Variants in PTPN13 observed in about 807,000 individuals in gnomAD.
The protein encoded by PTPN13 is protein tyrosine phosphatase non-receptor type 13.
A neutral mutation model predicts 284.0 loss-of-function variants in PTPN13; 191 were observed. The ratio of observed to expected loss-of-function variants is 0.67; its 90% CI spans 0.60 to 0.76. The LOEUF (loss-of-function observed/expected upper bound fraction) is 0.76, where lower values mean the gene tolerates loss of function less well. Among genes scored for constraint, PTPN13 ranks in the 30% least tolerant of loss-of-function variants. PTPN13 has a pLI of 0.00. For synonymous variants in PTPN13, 986 were observed against 1,022.3 expected, an observed-to-expected ratio of 0.96 and a Z score of 0.68; for missense variants, 2,797 against 2,939.9, an observed-to-expected ratio of 0.95 and a Z score of 1.12.
chr4:86,612,508 A>T (rs918943391), intron 1 of PTPN13, among the ~76,000 whole-genome samples: 1 of 152,206 alleles, frequency 6.6e-6, no homozygotes, highest in African/African-American at 2.4e-5. Context: ...TAGAAAAAAT[A>T]TTGGAAGAAA....
At chr4:86,692,963 C>T (rs1730184936) in intron 5 of PTPN13, among the ~76,000 whole-genome samples, 1 of 151,654 alleles carries the variant, frequency 6.6e-6, no homozygotes, top group Non-Finnish European at 1.5e-5. Flanking sequence ...CCAGTAGTCC[C>T]AGCTACTCTG....
chr4:86,704,677 C>CT (rs1037717941), intron 7 of PTPN13, among the ~76,000 whole-genome samples: 3 of 152,006 alleles, frequency 2.0e-5, no homozygotes, highest in Non-Finnish European at 4.4e-5. Flanking sequence ...AAAAGAAAAG[C>CT]TTTTTAAAAA....
At chr4:86,718,862 A>T (rs1403583343) in intron 9 of PTPN13, among the ~76,000 whole-genome samples, 2 of 152,182 alleles carry the variant, frequency 1.3e-5, no homozygotes, top group African/African-American at 4.8e-5. Flanking sequence ...TACCTAAAGC[A>T]ATCTATATTT....
intron 1 of PTPN13, among the ~76,000 whole-genome samples, chr4:86,597,166 C>CTT (rs34114364): frequency 3.5e-4 from 49 of 141,590 alleles, no homozygotes; most frequent in Admixed American, 2.0e-3. Context: ...GCTGGGCTTC[C>CTT]TTTTTTTTTT....
At chr4:86,785,145 AC>A (rs1257052877) in intron 38 of PTPN13, 85 bp from the exon 39 acceptor site, 2 of 1,033,056 alleles carry the variant, frequency 1.9e-6, no homozygotes, top group African/African-American at 3.4e-5. Flanking sequence ...ATTTGAAAGC[AC>A]CTAGCAAATT....
At chr4:86,755,768 T>A (rs1490739005) in intron 20 of PTPN13, among the ~76,000 whole-genome samples, 2 of 152,064 alleles carry the variant, frequency 1.3e-5, no homozygotes, top group African/African-American at 4.8e-5. Flanking sequence ...CTGAGCATAT[T>A]TAAGTTAGGC....
At chr4:86,721,779 C>T (rs1413807919) in intron 9 of PTPN13, among the ~76,000 whole-genome samples, 1 of 140,690 alleles carries the variant, frequency 7.1e-6, no homozygotes, top group Non-Finnish European at 1.5e-5. Context: ...TCTTCTGTCA[C>T]CCAGGATGGA....
rs191118830 is a variant in PTPN13 at position 86,776,223 on chromosome 4, G to A, written c.5891+571G>A. Among the ~76,000 whole-genome samples the A allele has an allele frequency of 6.6e-5, 10 of 152,348 alleles. No individual in the cohort carries two copies. In the East Asian group the frequency reaches 1.5e-3, roughly 23 times the overall value. ...GGCCTCCCAAAGTGCTGGGATTACA[G>A]GCGTGAGCCACCCTACCTGGCCCGA... is the stretch of plus-strand genomic sequence containing the variant. On this transcript the variant is annotated intron_variant, in intron 35 of 47. Transcript: ENST00000411767.
At chr4:86,785,782 A>G in intron 39 of PTPN13, 66 bp from the exon 40 acceptor site, 1 of 994,658 alleles carries the variant, frequency 1.0e-6, no homozygotes, top group Non-Finnish European at 1.4e-6. Flanking sequence ...TTGCAGGCAA[A>G]TGAAAACTTT....
chr4:86,758,541 T>G (rs1439209930), intron 21 of PTPN13, 137 bp from the exon 22 acceptor site: 1 of 942,338 alleles, frequency 1.1e-6, no homozygotes, highest in African/African-American at 1.7e-5. Flanking sequence ...CAAGAAATAC[T>G]TCCACAAAAT....
intron 1 of PTPN13, among the ~76,000 whole-genome samples, chr4:86,634,999 G>A (rs1578298362): frequency 6.6e-6 from 1 of 152,260 alleles, no homozygotes; most frequent in East Asian, 1.9e-4. Context: ...CCGTAAAGCA[G>A]TCACCACCCC....
chr4:86,725,959 A>G (rs565653073), intron 10 of PTPN13, among the ~76,000 whole-genome samples: 2 of 149,810 alleles, frequency 1.3e-5, no homozygotes, highest in East Asian at 1.9e-4. Flanking sequence ...TAGGTCTAAC[A>G]TTTAAGTCCT....
intron 2 of PTPN13, among the ~76,000 whole-genome samples, chr4:86,665,874 A>G (rs1341690894): frequency 6.6e-6 from 1 of 152,106 alleles, no homozygotes; most frequent in Non-Finnish European, 1.5e-5. Flanking sequence ...TCAAGGAGTG[A>G]CTTTTCTTAG....
chr4:86,632,379 T>C (rs1355521592), intron 1 of PTPN13, among the ~76,000 whole-genome samples: 1 of 152,132 alleles, frequency 6.6e-6, no homozygotes, highest in African/African-American at 2.4e-5. Context: ...CAAACAGTTT[T>C]TGTTGTTGTT....
At chr4:86,645,254 C>G (rs1197362989) in intron 2 of PTPN13, among the ~76,000 whole-genome samples, 1 of 151,804 alleles carries the variant, frequency 6.6e-6, no homozygotes, top group East Asian at 1.9e-4. Flanking sequence ...CTACCTCAAC[C>G]TAATAACGGG....
At chr4:86,672,033 C>T (rs1046171246) in intron 2 of PTPN13, among the ~76,000 whole-genome samples, 6 of 152,174 alleles carry the variant, frequency 3.9e-5, no homozygotes, top group Non-Finnish European at 8.8e-5. Flanking sequence ...TAATCCTTAT[C>T]CATATCTATA....
At chr4:86,766,733 T>C (rs1000183829) in intron 27 of PTPN13, 3 of 384,470 alleles carry the variant, frequency 7.8e-6, no homozygotes, top group Middle Eastern at 6.5e-4. Context: ...CTATGTCACA[T>C]TTAACGCTTA....
chr4:86,623,015 A>G (rs1408682587), intron 1 of PTPN13, among the ~76,000 whole-genome samples: 2 of 152,078 alleles, frequency 1.3e-5, no homozygotes, highest in Non-Finnish European at 2.9e-5. Flanking sequence ...ATCAACAAAA[A>G]CTTTTGGCCC....
intron 40 of PTPN13, among the ~76,000 whole-genome samples, chr4:86,790,858 A>G (rs1172790806): frequency 2.0e-5 from 3 of 152,146 alleles, no homozygotes; most frequent in East Asian, 3.9e-4. Flanking sequence ...TAAGAATACA[A>G]TTTGGGGGTG....
Sources: allele counts gnomAD v4.1 joint callset (sites outside exome capture counted in the v4.1 genomes callset), GRCh38; gene constraint gnomAD v4.1.1; transcripts MANE v1.5; gene names NCBI Gene and HGNC (gene_info 2026-07-23, HGNC 2026-07-21).